DOCK3: variants seen among roughly 807,000 people sequenced by gnomAD.
DOCK3 encodes dedicator of cytokinesis protein 3.
A neutral mutation model predicts 265.6 loss-of-function variants in DOCK3; 60 were observed. That is an observed-to-expected ratio of 0.23 (90% CI 0.18 to 0.28). The LOEUF is 0.28. Among genes scored for constraint, DOCK3 ranks in the 10% least tolerant of loss-of-function variants. The pLI, the probability that DOCK3 is intolerant of heterozygous loss-of-function variation, is 1.00. For synonymous variants in DOCK3, 881 were observed against 938.0 expected (o/e 0.94, Z 1.11); for missense variants, 1,981 against 2,594.3 (o/e 0.76, Z 5.14).
rs377150054 is a variant in DOCK3 at position 50,762,453 on chromosome 3, A to G, written c.38-16222A>G. On this transcript the variant is annotated intron_variant, in intron 1 of 52. Coordinates refer to ENST00000266037, the MANE Select transcript of DOCK3 (RefSeq NM_004947.5). The stretch of plus-strand genomic sequence containing the variant: ...ATAATACTTAGTTTTGGTCATCAAT[A>G]TGGTGGTCATTGTGCACGTCTGAAA... Among the ~76,000 whole-genome samples the G allele has an allele frequency of 1.7e-4, 26 of 152,262 alleles. 1 individual carries two copies. Among genetic ancestry groups the G allele is most frequent in the East Asian group, 9.6e-4 (5 of 5,182 alleles).
At chr3:51,194,014 T>G (rs752435018) in intron 12 of DOCK3, among the ~76,000 whole-genome samples, 6 of 152,116 alleles carry the variant, frequency 3.9e-5, no homozygotes, top group Non-Finnish European at 7.4e-5. Flanking sequence ...ATTTGTAATC[T>G]TTCAACTATT....
intron 2 of DOCK3, among the ~76,000 whole-genome samples, chr3:50,815,105 G>A (rs2044001103): frequency 6.6e-6 from 1 of 152,160 alleles, no homozygotes; most frequent in Non-Finnish European, 1.5e-5. Flanking sequence ...TTACAGGTGT[G>A]AGCCACCGCG....
chr3:50,721,865 T>G (rs1193884353), intron 1 of DOCK3, among the ~76,000 whole-genome samples: 2 of 152,214 alleles, frequency 1.3e-5, no homozygotes, highest in East Asian at 3.8e-4. Flanking sequence ...TTTGATTTCT[T>G]TCAGCAGTGT....
intron 22 of DOCK3, among the ~76,000 whole-genome samples, chr3:51,248,890 G>T: frequency 6.8e-6 from 1 of 146,636 alleles, no homozygotes; most frequent in East Asian, 2.2e-4. Context: ...CCGCCACCCC[G>T]TCTGGGAGGT....
intron 22 of DOCK3, among the ~76,000 whole-genome samples, chr3:51,248,087 A>C (rs566840592): frequency 5.3e-4 from 81 of 152,354 alleles, no homozygotes; most frequent in Admixed American, 8.5e-4. Context: ...ACACTGTTCT[A>C]ACCACTGGAG....
At chr3:50,751,551 A>T (rs1406234726) in intron 1 of DOCK3, among the ~76,000 whole-genome samples, 1 of 152,204 alleles carries the variant, frequency 6.6e-6, no homozygotes, top group Non-Finnish European at 1.5e-5. Flanking sequence ...GCTTATGTAA[A>T]TGTTAACTGA....
chr3:50,795,298 C>T (rs1203557620), intron 2 of DOCK3, among the ~76,000 whole-genome samples: 1 of 152,178 alleles, frequency 6.6e-6, no homozygotes, highest in East Asian at 1.9e-4. Flanking sequence ...AGGAAGCTCT[C>T]ATTGTTCATA....
At chr3:51,111,564 A>G (rs1270287525) in intron 9 of DOCK3, among the ~76,000 whole-genome samples, 1 of 152,138 alleles carries the variant, frequency 6.6e-6, no homozygotes, top group African/African-American at 2.4e-5. Context: ...TCCTTATACC[A>G]TATGTAAAAA....
intron 4 of DOCK3, among the ~76,000 whole-genome samples, chr3:50,931,217 C>T (rs2051050232): frequency 6.6e-6 from 1 of 152,170 alleles, no homozygotes. Context: ...TAGCATAGTA[C>T]AGTGTTTAGG....
chr3:51,098,402 C>T (rs548248400), intron 9 of DOCK3, among the ~76,000 whole-genome samples: 1 of 152,236 alleles, frequency 6.6e-6, no homozygotes, highest in East Asian at 1.9e-4. Context: ...ATTCAGGATA[C>T]CTTGCATAAA....
At chr3:51,372,212 C>T (rs887955099) in intron 49 of DOCK3, among the ~76,000 whole-genome samples, 1 of 152,212 alleles carries the variant, frequency 6.6e-6, no homozygotes. Flanking sequence ...TTAAGTAATT[C>T]GTTGACACTG....
In DOCK3 at chr3:51,116,102, G is replaced by A. The variant is rs1298927282; in HGVS notation, c.746+25718G>A. 2.6e-5 allele frequency among the ~76,000 whole-genome samples: 4 copies of A among 151,966 alleles called. No homozygotes were observed. In the East Asian group the frequency reaches 5.8e-4, roughly 22 times the overall value. ...TGATGCCTCCATCTTTGTTCTTTTTGCTTAGAATTGTCTTGGCTATATGGG... is the reference window on the plus strand; with the variant it reads ...TGATGCCTCCATCTTTGTTCTTTTTACTTAGAATTGTCTTGGCTATATGGG... On this transcript the variant is annotated intron_variant, in intron 9 of 52. Coordinates refer to ENST00000266037, the MANE Select transcript of DOCK3 (RefSeq NM_004947.5).
chr3:51,068,658 T>C (rs1266791314), intron 6 of DOCK3, among the ~76,000 whole-genome samples: 1 of 151,880 alleles, frequency 6.6e-6, no homozygotes, highest in Non-Finnish European at 1.5e-5. Flanking sequence ...CAGCGTTGTA[T>C]GGTGGAAGGG....
intron 3 of DOCK3, among the ~76,000 whole-genome samples, chr3:50,869,710 A>C (rs1331358162): frequency 4.9e-5 from 1 of 20,556 alleles, no homozygotes; most frequent in Non-Finnish European, 7.0e-5. Flanking sequence ...TTTGGGTTTG[A>C]TTTGCTCGCT....
At chr3:51,367,765 G>A (rs1170788344) in intron 49 of DOCK3, among the ~76,000 whole-genome samples, 1 of 152,160 alleles carries the variant, frequency 6.6e-6, no homozygotes, top group African/African-American at 2.4e-5. Context: ...AGTTTGGCTG[G>A]ATATGAAATT....
intron 5 of DOCK3, among the ~76,000 whole-genome samples, chr3:50,980,281 T>C (rs761207146): frequency 6.6e-6 from 1 of 152,252 alleles, no homozygotes; most frequent in Non-Finnish European, 1.5e-5. Context: ...AGATGTTGAA[T>C]CATGCTTACA....
chr3:51,193,075 T>C (rs770805455), intron 12 of DOCK3, among the ~76,000 whole-genome samples: 4 of 152,202 alleles, frequency 2.6e-5, no homozygotes, highest in African/African-American at 7.2e-5. Context: ...GCCTTTATTA[T>C]TTTCAGATAT....
intron 4 of DOCK3, among the ~76,000 whole-genome samples, chr3:50,927,683 T>G (rs1038818940): frequency 3.9e-5 from 6 of 152,192 alleles, no homozygotes; most frequent in Non-Finnish European, 7.3e-5. Context: ...TAGAAGTCAT[T>G]GGTTTCCTTT....
At chr3:51,115,296 T>G (rs2083687198) in intron 9 of DOCK3, among the ~76,000 whole-genome samples, 1 of 152,198 alleles carries the variant, frequency 6.6e-6, no homozygotes, top group Admixed American at 6.5e-5. Context: ...CCACATCCTC[T>G]CAAGCATCTG....
Sources: gnomAD v4.1 joint callset for allele counts (sites outside exome capture counted in the v4.1 genomes callset) on GRCh38, gnomAD v4.1.1 for gene constraint, MANE v1.5 for transcripts, NCBI Gene and HGNC (gene_info 2026-07-23, HGNC 2026-07-21) for gene names.